The following DIAPH2 variants were observed in gnomAD, a reference collection of about 807,000 sequenced individuals.
DIAPH2 encodes the protein protein diaphanous homolog 2.
A neutral mutation model predicts 92.7 loss-of-function variants in DIAPH2; 35 were observed. The ratio of observed to expected loss-of-function variants is 0.38; its 90% CI spans 0.29 to 0.50. The LOEUF is 0.50. Among genes scored for constraint, DIAPH2 ranks in the 20% least tolerant of loss-of-function variants. DIAPH2 has a pLI of 0.94. For missense variants in DIAPH2, 701 were observed against 819.5 expected (o/e 0.86, Z 1.77); for synonymous variants, 301 against 280.4 (o/e 1.07, Z -0.73).
At chrX:97,391,074 A>C (rs867480260) in intron 25 of DIAPH2, among the ~76,000 whole-genome samples, 5 of 111,617 alleles carry the variant, frequency 4.5e-5, no homozygotes, top group African/African-American at 1.6e-4. Flanking sequence ...TGTACTTATA[A>C]ATATGTTTCA....
chrX:97,253,806 T>G (rs1312334988), intron 23 of DIAPH2, among the ~76,000 whole-genome samples: 1 of 111,946 alleles, frequency 8.9e-6, no homozygotes, highest in Non-Finnish European at 1.9e-5. Context: ...TAAACTGTTA[T>G]GAAAGAAAAT....
At position 97,215,435 on chromosome X, in the gene DIAPH2, CT is replaced by C. The variant is rs757088599; in HGVS notation, c.2720-32279del. ...TTTCAAAAACTGTTAATTTCTAGTT[CT>C]AACCATCGGTAGCTTTGTGAAGTGA... On this transcript the variant is annotated intron_variant, in intron 22 of 26. Coordinates refer to ENST00000324765, the MANE Select transcript of DIAPH2 (RefSeq NM_006729.5). 5.1e-3 allele frequency among the ~76,000 whole-genome samples: 570 copies of C among 111,988 alleles called. 3 individuals carry two copies. Among genetic ancestry groups the C allele is most frequent in the African/African-American group, 0.018 (546 of 30,874 alleles).
intron 23 of DIAPH2, among the ~76,000 whole-genome samples, chrX:97,300,966 G>A (rs6620257): frequency 0.34 from 4,703 of 13,730 alleles, 315 homozygotes; most frequent in East Asian, 0.5. Flanking sequence ...AAAAAAAAAA[G>A]AAGAAGAAGA....
At chrX:96,978,659 TAATA>T (rs2065976719) in intron 17 of DIAPH2, among the ~76,000 whole-genome samples, 1 of 110,565 alleles carries the variant, frequency 9.0e-6, no homozygotes, top group Non-Finnish European at 1.9e-5. Flanking sequence ...TATTAATTAT[TAATA>T]AATATTAATA....
chrX:97,080,255 C>T (rs1270869824), intron 19 of DIAPH2, among the ~76,000 whole-genome samples: 1 of 107,342 alleles, frequency 9.3e-6, no homozygotes, highest in Non-Finnish European at 1.9e-5. Context: ...TCTTCCTTCC[C>T]TCCCTTCCTC....
chrX:97,592,370 A>G (rs1389642304), intron 26 of DIAPH2, among the ~76,000 whole-genome samples: 1 of 111,884 alleles, frequency 8.9e-6, no homozygotes, highest in Non-Finnish European at 1.9e-5. Context: ...GAAATATAGA[A>G]AAGTGATTTA....
intron 17 of DIAPH2, among the ~76,000 whole-genome samples, chrX:96,992,485 G>T (rs765849063): frequency 8.9e-6 from 1 of 111,947 alleles, no homozygotes; most frequent in South Asian, 3.8e-4. Flanking sequence ...GAGCTTTCCT[G>T]ACAAAAATCA....
At chrX:96,969,210 T>C (rs2065912095) in intron 17 of DIAPH2, among the ~76,000 whole-genome samples, 1 of 112,168 alleles carries the variant, frequency 8.9e-6, no homozygotes, top group South Asian at 3.7e-4. Flanking sequence ...CTATTTGGGC[T>C]CTTTTCTGAT....
At chrX:97,252,368 C>G (rs1374484123) in intron 23 of DIAPH2, among the ~76,000 whole-genome samples, 1 of 111,632 alleles carries the variant, frequency 9.0e-6, no homozygotes, top group East Asian at 2.8e-4. Flanking sequence ...ACCCTGTCAA[C>G]TAACTATCAA....
At chrX:97,383,431 A>T (rs1293158994) in intron 24 of DIAPH2, among the ~76,000 whole-genome samples, 1 of 109,556 alleles carries the variant, frequency 9.1e-6, no homozygotes, top group Non-Finnish European at 1.9e-5. Flanking sequence ...TTTTTTTCTT[A>T]ATCTCAATTT....
intron 23 of DIAPH2, among the ~76,000 whole-genome samples, chrX:97,255,650 G>C (rs1271477048): frequency 8.9e-6 from 1 of 111,868 alleles, no homozygotes; most frequent in Non-Finnish European, 1.9e-5. Flanking sequence ...ACATTAGCTT[G>C]TTTTTCTGGC....
At chrX:96,927,552 A>G (rs908946555) in intron 9 of DIAPH2, among the ~76,000 whole-genome samples, 4 of 111,415 alleles carry the variant, frequency 3.6e-5, no homozygotes, top group Admixed American at 1.9e-4. Context: ...TGTGGTAGCT[A>G]CTAGCCACAT....
At chrX:96,764,215 G>T (rs1454440841) in intron 4 of DIAPH2, among the ~76,000 whole-genome samples, 1 of 111,141 alleles carries the variant, frequency 9.0e-6, no homozygotes, top group Non-Finnish European at 1.9e-5. Context: ...GAGAAGTAAG[G>T]TTGGAGTAAT....
intron 4 of DIAPH2, among the ~76,000 whole-genome samples, chrX:96,875,028 TCA>T (rs1019992583): frequency 2.7e-5 from 3 of 112,018 alleles, no homozygotes; most frequent in African/African-American, 9.7e-5. Flanking sequence ...ATGTGTTGAG[TCA>T]CAGATAAAAT....
intron 4 of DIAPH2, among the ~76,000 whole-genome samples, chrX:96,812,426 T>C (rs976578441): frequency 1.8e-5 from 2 of 112,027 alleles, no homozygotes; most frequent in Admixed American, 1.9e-4. Flanking sequence ...TCTTTATTAG[T>C]CTTGCTAGTG....
chrX:97,438,382 T>TTTTTTTTTC (rs1569397556), intron 26 of DIAPH2, among the ~76,000 whole-genome samples: 1 of 92,488 alleles, frequency 1.1e-5, no homozygotes, highest in South Asian at 5.7e-4. Flanking sequence ...TTTTTTTTTT[T>TTTTTTTTTC]TGAGACAGGG....
intron 17 of DIAPH2, among the ~76,000 whole-genome samples, chrX:97,061,993 A>C (rs1482580292): frequency 8.9e-6 from 1 of 111,751 alleles, no homozygotes; most frequent in East Asian, 2.8e-4. Flanking sequence ...TTACATAAAT[A>C]GTTTTAATTA....
intron 24 of DIAPH2, among the ~76,000 whole-genome samples, chrX:97,362,178 T>C (rs2069331967): frequency 9.2e-6 from 1 of 108,835 alleles, no homozygotes; most frequent in Non-Finnish European, 1.9e-5. Flanking sequence ...GAGGCGGAGG[T>C]TGCAGTGAGC....
At chrX:97,255,276 A>G (rs1229869944) in intron 23 of DIAPH2, among the ~76,000 whole-genome samples, 1 of 111,684 alleles carries the variant, frequency 9.0e-6, no homozygotes, top group African/African-American at 3.3e-5. Flanking sequence ...GTTCTTTTTG[A>G]AAGGATTGTA....
Sources: allele counts gnomAD v4.1 joint callset (sites outside exome capture counted in the v4.1 genomes callset), GRCh38; gene constraint gnomAD v4.1.1; transcripts MANE v1.5; gene names NCBI Gene and HGNC (gene_info 2026-07-23, HGNC 2026-07-21).